CHD6: variants seen among roughly 807,000 people sequenced by gnomAD.
CHD6 encodes chromodomain helicase DNA binding protein 6.
In CHD6, 50 loss-of-function variants were observed where a neutral mutation model predicts 276.9. That is an observed-to-expected ratio of 0.18 (90% CI 0.14 to 0.23). CHD6 has a LOEUF of 0.23. CHD6 is among the 10% of genes least tolerant of loss of function. The pLI is 1.00. For synonymous variants in CHD6, 1,173 were observed against 1,229.3 expected (o/e 0.95, Z 0.96); for missense variants, 2,564 against 3,365.8 (o/e 0.76, Z 5.89).
chr20:41,614,432 C>A (rs1264560637), intron 1 of CHD6, among the ~76,000 whole-genome samples: 1 of 151,110 alleles, frequency 6.6e-6, no homozygotes, highest in East Asian at 1.9e-4. Flanking sequence ...TTCATCAATT[C>A]AAAAAAAAAT....
chr20:41,596,097 T>C (rs1270980210), intron 1 of CHD6, among the ~76,000 whole-genome samples: 5 of 152,144 alleles, frequency 3.3e-5, no homozygotes, highest in African/African-American at 1.2e-4. Context: ...CATATAACCC[T>C]GCCCTGCGGG....
chr20:41,604,351 A>G (rs1199201326), intron 1 of CHD6, among the ~76,000 whole-genome samples: 1 of 152,232 alleles, frequency 6.6e-6, no homozygotes, highest in Non-Finnish European at 1.5e-5. Context: ...CATAAGACCA[A>G]TAAGATATGA....
chr20:41,493,043 C>T (rs2043593311), intron 10 of CHD6, among the ~76,000 whole-genome samples: 1 of 152,118 alleles, frequency 6.6e-6, no homozygotes, highest in African/African-American at 2.4e-5. Context: ...ATCAGAAAAA[C>T]AAATAAATTC....
At chr20:41,599,990 T>C (rs975802186) in intron 1 of CHD6, among the ~76,000 whole-genome samples, 4 of 152,214 alleles carry the variant, frequency 2.6e-5, no homozygotes, top group Admixed American at 2.0e-4. Flanking sequence ...CCCTGCTCAG[T>C]GTGCTCTTGT....
At chr20:41,555,715 C>T (rs1177688485) in intron 1 of CHD6, among the ~76,000 whole-genome samples, 19 of 150,390 alleles carry the variant, frequency 1.3e-4, no homozygotes, top group Middle Eastern at 3.2e-3. Flanking sequence ...AGAGACGCTC[C>T]TCACTTCCTA....
intron 17 of CHD6, among the ~76,000 whole-genome samples, chr20:41,466,504 T>C (rs1272789227): frequency 6.6e-6 from 1 of 152,242 alleles, no homozygotes; most frequent in Non-Finnish European, 1.5e-5. Flanking sequence ...CTGGACCTTC[T>C]TTCTGTATCT....
intron 1 of CHD6, among the ~76,000 whole-genome samples, chr20:41,578,200 T>C (rs2045494839): frequency 1.3e-5 from 2 of 151,914 alleles, no homozygotes; most frequent in Admixed American, 6.6e-5. Flanking sequence ...AAATGCATAA[T>C]GCAGAAACAC....
At chr20:41,423,415 C>CGTA (rs1447917357) in intron 30 of CHD6, 77 bp downstream of exon 30, 3 of 1,414,942 alleles carry the variant, frequency 2.1e-6, no homozygotes, top group Non-Finnish European at 3.0e-6. Flanking sequence ...ATAGGTATAC[C>CGTA]TAAAGTAATT....
chr20:41,499,374 A>T lies in CHD6; in HGVS notation c.853-17T>A, dbSNP rs748518176. 1 of 1,565,218 alleles carries T rather than the reference A, an allele frequency of 6.4e-7. No homozygotes were observed. Among genetic ancestry groups the T allele is most frequent in the South Asian group, 1.2e-5 (1 of 84,818 alleles). ...TGGAGGCTCCTGGGGACAAAGATAA[A>T]AAAAAAAGAAAATTGCTGGAACCAC... On this transcript the variant is annotated splice_polypyrimidine_tract_variant and intron_variant, in intron 5 of 36. Transcript: ENST00000373233.
chr20:41,440,247 A>G, intron 25 of CHD6, 118 bp from the exon 26 acceptor site: 1 of 907,144 alleles, frequency 1.1e-6, no homozygotes, highest in South Asian at 1.8e-5. Flanking sequence ...CAAAAAAATA[A>G]TTATTTAAGA....
chr20:41,464,576 T>C (rs1044333578), intron 17 of CHD6, among the ~76,000 whole-genome samples: 2 of 152,228 alleles, frequency 1.3e-5, no homozygotes, highest in African/African-American at 4.8e-5. Context: ...AACCCTGTGA[T>C]GCTGCACTGT....
intron 14 of CHD6, among the ~76,000 whole-genome samples, chr20:41,484,851 A>T (rs2043375036): frequency 6.6e-6 from 1 of 152,202 alleles, no homozygotes; most frequent in South Asian, 2.1e-4. Context: ...GAAGATAAAA[A>T]GGGAGAAAGG....
rs773921889 is a variant in CHD6, at chr20:41,415,153, A to T, written c.6939+33T>A. 9 of 1,575,432 alleles carry T rather than the reference A, an allele frequency of 5.7e-6. No homozygotes were observed. The East Asian group carries it at 2.0e-4, about 35-fold the overall frequency. On this transcript the variant is annotated intron_variant, in intron 34 of 36. Transcript: ENST00000373233. ...GGTTTGTTTCTCAGTGTAGAAAGGT[A>T]AATGTTTTTAATCTAATGACCTCAA...
At chr20:41,613,213 G>A (rs2146311037) in intron 1 of CHD6, among the ~76,000 whole-genome samples, 1 of 152,116 alleles carries the variant, frequency 6.6e-6, no homozygotes, top group Non-Finnish European at 1.5e-5. Context: ...AAAAGTCTGG[G>A]GAATATAAAA....
intron 1 of CHD6, among the ~76,000 whole-genome samples, chr20:41,590,708 T>C (rs1037560066): frequency 1.3e-5 from 2 of 152,108 alleles, no homozygotes; most frequent in African/African-American, 4.8e-5. Context: ...AGACAGGAAA[T>C]AACAGGTGCT....
At chr20:41,550,841 A>G (rs1005772625) in intron 2 of CHD6, among the ~76,000 whole-genome samples, 5 of 152,328 alleles carry the variant, frequency 3.3e-5, no homozygotes, top group African/African-American at 1.2e-4. Flanking sequence ...CAAATGCCAA[A>G]GAGTTGATGC....
Position 41,533,038 on chromosome 20 carries a change from A to G in CHD6, c.554+12T>C. On this transcript the variant is annotated intron_variant, in intron 3 of 36. Transcript: ENST00000373233. ...ATAGGCAAGTGCTCAGAGAAGGGAG[A>G]AAGGAACGTACCTGGCCTTCCTGGA... The G allele has an allele frequency of 1.3e-6, 2 of 1,568,134 alleles. No individual in the cohort carries two copies. The highest frequency in any genetic ancestry group is 8.6e-7 in the Non-Finnish European group (1 of 1,164,114).
chr20:41,420,974 C>T lies in CHD6; in HGVS notation c.5661G>A (p.Arg1887=), dbSNP rs1164599513. 1 of 1,614,174 alleles carries T rather than the reference C, an allele frequency of 6.2e-7. No individual in the cohort carries two copies. Residue 1887 remains arginine, a synonymous_variant, in exon 31 of 37, where the codon AGG becomes AGA. Transcript: ENST00000373233. ...NLAMAVGMGE[R]PEVLHLTEPT... ...GCTCCGTGAGATGCAATACCTCTGG[C>T]CTTTCCCCCATGCCTACTGCCATGG...
intron 1 of CHD6, among the ~76,000 whole-genome samples, chr20:41,607,925 A>C (rs1462932629): frequency 2.0e-5 from 3 of 152,246 alleles, no homozygotes; most frequent in African/African-American, 7.2e-5. Context: ...TATCCAAAGC[A>C]AGTTACACAG....
Sources: allele counts gnomAD v4.1 joint callset (sites outside exome capture counted in the v4.1 genomes callset), GRCh38; gene constraint gnomAD v4.1.1; transcripts MANE v1.5; gene names NCBI Gene and HGNC (gene_info 2026-07-23, HGNC 2026-07-21).